Variants in FAM163A observed in about 807,000 individuals in gnomAD.
FAM163A encodes family with sequence similarity 163 member A.
FAM163A carries 7 observed loss-of-function variants against 12.0 expected under a neutral mutation model. That is an observed-to-expected ratio of 0.58 (90% CI 0.33 to 1.10). The LOEUF is 1.10. Ranked by LOEUF, FAM163A falls within the 50% of genes least tolerant of loss-of-function variation. The probability of loss-of-function intolerance (pLI) is 0.03; values close to 1 mark genes in which losing one functional copy is unlikely to be tolerated. For missense variants in FAM163A, 202 were observed against 218.6 expected, an observed-to-expected ratio of 0.92 and a Z score of 0.48; for synonymous variants, 101 against 91.0, an observed-to-expected ratio of 1.11 and a Z score of -0.62.
At chr1:179,789,392 G>T (rs1258850517) in intron 1 of FAM163A, among the ~76,000 whole-genome samples, 5 of 152,210 alleles carry the variant, frequency 3.3e-5, no homozygotes, top group Non-Finnish European at 7.3e-5. Flanking sequence ...TTGTTGGCCA[G>T]GTTGGTCTTG....
intron 1 of FAM163A, among the ~76,000 whole-genome samples, chr1:179,763,929 C>T (rs973843433): frequency 1.1e-4 from 16 of 152,194 alleles, no homozygotes; most frequent in Non-Finnish European, 1.0e-4. Flanking sequence ...TCCACTGCTT[C>T]TTTGCCAGTC....
the FAM163A span, among the ~76,000 whole-genome samples, chr1:179,734,246 A>T: frequency 0.027 from 4,098 of 152,240 alleles, 167 homozygotes; most frequent in African/African-American, 0.091. Context: ...GAGACTGTAG[A>T]CCTATATAGG....
chr1:179,794,227 A>G (rs573346185), intron 1 of FAM163A, among the ~76,000 whole-genome samples: 1 of 152,344 alleles, frequency 6.6e-6, no homozygotes, highest in East Asian at 1.9e-4. Flanking sequence ...GTTAAAGGGG[A>G]GAAGACAACT....
In FAM163A at chr1:179,814,008, G is replaced by GGAC; in HGVS notation, c.325_327dup (p.Thr109dup). The GGAC allele has an allele frequency of 6.2e-7, 1 of 1,613,100 alleles. No homozygotes were observed. Among genetic ancestry groups the GGAC allele is most frequent in the South Asian group, 1.1e-5 (1 of 91,004 alleles). ...CCATACAGCTCCCCCTTTTACATACGGACGGCTGACATGGTGCCCAATGGG... is the reference window on the plus strand; with the variant it reads ...CCATACAGCTCCCCCTTTTACATACGGACGACGGCTGACATGGTGCCCAATGGG... On this transcript the variant is annotated inframe_insertion, in exon 5 of 5. Transcript: ENST00000341785.
the FAM163A span, among the ~76,000 whole-genome samples, chr1:179,735,833 G>A: frequency 6.6e-6 from 1 of 152,130 alleles, no homozygotes; most frequent in Non-Finnish European, 1.5e-5. Flanking sequence ...CAGGGTGGAT[G>A]GGAAGTGGAG....
chr1:179,807,485 G>T lies in FAM163A; in HGVS notation c.-135-313G>T, dbSNP rs143357050. Among the ~76,000 whole-genome samples, 563 of 152,296 alleles carry T rather than the reference G, an allele frequency of 3.7e-3. 3 individuals carry two copies. The highest frequency in any genetic ancestry group is 4.8e-3 in the Admixed American group (73 of 15,308). ...TGGAGCAGGAGAAAGCCAGCCGAGC[G>T]CCCTGCCCCACTCGCCGTCACCTCC... is the stretch of plus-strand genomic sequence containing the variant. On this transcript the variant is annotated intron_variant, in intron 1 of 4. Transcript: ENST00000341785.
chr1:179,796,132 T>A (rs542295905), intron 1 of FAM163A, among the ~76,000 whole-genome samples: 6 of 145,378 alleles, frequency 4.1e-5, no homozygotes, highest in Non-Finnish European at 9.1e-5. Context: ...CATTCAATAA[T>A]ACACACACAC....
chr1:179,745,549 C>T (rs1355742023), intron 1 of FAM163A, among the ~76,000 whole-genome samples: 1 of 152,110 alleles, frequency 6.6e-6, no homozygotes, highest in Non-Finnish European at 1.5e-5. Flanking sequence ...TTCTGGGTGG[C>T]CACTTAACAA....
chr1:179,806,769 T>G, intron 1 of FAM163A, among the ~76,000 whole-genome samples: 1 of 152,218 alleles, frequency 6.6e-6, no homozygotes, highest in East Asian at 1.9e-4. Flanking sequence ...CAGTGTAGGG[T>G]CCAGACTCTT....
intron 1 of FAM163A, among the ~76,000 whole-genome samples, chr1:179,786,391 T>C (rs544319417): frequency 6.6e-6 from 1 of 151,676 alleles, no homozygotes; most frequent in Non-Finnish European, 1.5e-5. Context: ...AGAGAAAGAG[T>C]CTTAGGGCCA....
intron 1 of FAM163A, among the ~76,000 whole-genome samples, chr1:179,789,768 CAATT>C (rs1051978009): frequency 1.3e-5 from 2 of 152,076 alleles, no homozygotes; most frequent in African/African-American, 4.8e-5. Context: ...CACTCAAAGG[CAATT>C]AAAGCCTTGT....
intron 1 of FAM163A, among the ~76,000 whole-genome samples, chr1:179,775,351 A>G (rs948467620): frequency 6.6e-6 from 1 of 152,242 alleles, no homozygotes; most frequent in African/African-American, 2.4e-5. Context: ...TTAGTCTACA[A>G]TCAGTCTGAT....
At chr1:179,763,625 G>A (rs1449349475) in intron 1 of FAM163A, among the ~76,000 whole-genome samples, 1 of 152,186 alleles carries the variant, frequency 6.6e-6, no homozygotes. Context: ...GGTTAATCAG[G>A]AAAGACCTGA....
intron 1 of FAM163A, among the ~76,000 whole-genome samples, chr1:179,797,217 C>T (rs1692451434): frequency 1.3e-5 from 2 of 152,144 alleles, no homozygotes; most frequent in African/African-American, 2.4e-5. Flanking sequence ...GAGGCCGAGG[C>T]GGGCAGCTCA....
At chr1:179,738,234 A>C in the FAM163A span, among the ~76,000 whole-genome samples, 499 of 152,336 alleles carry the variant, frequency 3.3e-3, 5 homozygotes, top group African/African-American at 0.011. Context: ...AAATAGCTAG[A>C]AGAGTGGATT....
intron 1 of FAM163A, among the ~76,000 whole-genome samples, chr1:179,769,545 G>T (rs1416515654): frequency 6.6e-6 from 1 of 152,168 alleles, no homozygotes; most frequent in Non-Finnish European, 1.5e-5. Context: ...GCTGAAATAG[G>T]AGGAGTTTTG....
At chr1:179,782,381 C>A (rs529875192) in intron 1 of FAM163A, among the ~76,000 whole-genome samples, 1 of 152,022 alleles carries the variant, frequency 6.6e-6, no homozygotes, top group African/African-American at 2.4e-5. Context: ...AGAAGGGGAC[C>A]AGAAGGGCCG....
chr1:179,790,675 T>C (rs1434220585), intron 1 of FAM163A, among the ~76,000 whole-genome samples: 1 of 152,148 alleles, frequency 6.6e-6, no homozygotes, highest in Non-Finnish European at 1.5e-5. Context: ...GTCAGATCAC[T>C]CCTGACCTCA....
rs77941285 is a variant in FAM163A at position 179,754,568 on chromosome 1, C to G, written c.-136+11145C>G. On this transcript the variant is annotated intron_variant, in intron 1 of 4. Coordinates refer to ENST00000341785, the MANE Select transcript of FAM163A (RefSeq NM_173509.3). ...GCTAGTATTTGAGCTGGATGAAAGACGTAAAGATGAAATGAACATCTTTAC... is the reference window on the plus strand; with the variant it reads ...GCTAGTATTTGAGCTGGATGAAAGAGGTAAAGATGAAATGAACATCTTTAC... Among the ~76,000 whole-genome samples, 150 of 152,050 alleles carry G rather than the reference C, an allele frequency of 9.9e-4. 1 individual carries two copies. In the East Asian group the frequency reaches 0.011, roughly 11 times the overall value.
Sources: gnomAD v4.1 joint callset for allele counts (sites outside exome capture counted in the v4.1 genomes callset) on GRCh38, gnomAD v4.1.1 for gene constraint, MANE v1.5 for transcripts, NCBI Gene and HGNC (gene_info 2026-07-23, HGNC 2026-07-21) for gene names.